The following LMTK2 variants were observed in gnomAD, a reference collection of about 807,000 sequenced individuals.
LMTK2 encodes the protein serine/threonine-protein kinase LMTK2.
A neutral mutation model predicts 127.5 loss-of-function variants in LMTK2; 37 were observed. The ratio of observed to expected loss-of-function variants is 0.29; its 90% confidence interval spans 0.22 to 0.38. LMTK2 has a LOEUF of 0.38. LMTK2 is among the 10% of genes least tolerant of loss of function. The pLI, the probability that LMTK2 is intolerant of heterozygous loss-of-function variation, is 1.00. For synonymous variants in LMTK2, 819 were observed against 810.1 expected (o/e 1.01, Z -0.19); for missense variants, 1,694 against 1,920.3 (o/e 0.88, Z 2.20).
At chr7:98,159,766 T>C (rs1249833178) in intron 6 of LMTK2, among the ~76,000 whole-genome samples, 1 of 152,152 alleles carries the variant, frequency 6.6e-6, no homozygotes, top group African/African-American at 2.4e-5. Flanking sequence ...AGAGCTTGGG[T>C]CTAGATGTGC....
intron 4 of LMTK2, among the ~76,000 whole-genome samples, chr7:98,152,732 T>G (rs1004748030): frequency 1.6e-4 from 24 of 152,162 alleles, no homozygotes; most frequent in African/African-American, 5.8e-4. Context: ...GGAAATACTC[T>G]GGTGCTTGAG....
intron 6 of LMTK2, among the ~76,000 whole-genome samples, chr7:98,166,343 G>T (rs1242711122): frequency 6.6e-6 from 1 of 152,340 alleles, no homozygotes; most frequent in Non-Finnish European, 1.5e-5. Context: ...GTTCTCTGGC[G>T]CCCTCCGATG....
At chr7:98,189,160 C>T (rs1040798511) in intron 9 of LMTK2, among the ~76,000 whole-genome samples, 4 of 152,092 alleles carry the variant, frequency 2.6e-5, no homozygotes, top group African/African-American at 4.8e-5. Flanking sequence ...GGACCCCAGG[C>T]GACCCCAGTG....
chr7:98,196,695 T>G (rs1244068867), intron 11 of LMTK2, among the ~76,000 whole-genome samples: 1 of 152,180 alleles, frequency 6.6e-6, no homozygotes, highest in East Asian at 1.9e-4. Context: ...GTGGAGGATG[T>G]TATGTTTTTC....
rs1172999896 is a variant in LMTK2 at position 98,209,526 on chromosome 7, A to G, written c.*4034A>G. ...TTCAGTTTAAATTGTGTACATTTTTAAATTGTAAGATTTTTACTGTATATT... is the reference window on the plus strand; with the variant it reads ...TTCAGTTTAAATTGTGTACATTTTTGAATTGTAAGATTTTTACTGTATATT... On this transcript the variant is annotated 3_prime_UTR_variant, in exon 14 of 14. Coordinates refer to ENST00000297293, the MANE Select transcript of LMTK2 (RefSeq NM_014916.4). 2 of 152,324 alleles carry G rather than the reference A, an allele frequency of 1.3e-5. No homozygotes were observed. Among genetic ancestry groups the G allele is most frequent in the Non-Finnish European group, 2.9e-5 (2 of 68,038 alleles). 9.4% of individuals were successfully genotyped at this position (152,324 alleles called of 1,614,324 possible).
At chr7:98,129,479 G>A (rs1285518508) in intron 1 of LMTK2, among the ~76,000 whole-genome samples, 1 of 151,966 alleles carries the variant, frequency 6.6e-6, no homozygotes, top group Admixed American at 6.6e-5. Flanking sequence ...CTGTGCTCAG[G>A]TGAGCCTCCC....
At chr7:98,113,677 A>G (rs1027714597) in intron 1 of LMTK2, among the ~76,000 whole-genome samples, 5 of 152,202 alleles carry the variant, frequency 3.3e-5, no homozygotes, top group African/African-American at 9.6e-5. Flanking sequence ...ATGCTGGACA[A>G]CCATCTCTGA....
At chr7:98,156,484 A>G (rs1204774510) in intron 5 of LMTK2, among the ~76,000 whole-genome samples, 1 of 152,096 alleles carries the variant, frequency 6.6e-6, no homozygotes, top group Non-Finnish European at 1.5e-5. Context: ...AAAAGCTGTA[A>G]TGAAAAAATA....
At chr7:98,119,740 G>T (rs550817526) in intron 1 of LMTK2, among the ~76,000 whole-genome samples, 18 of 152,176 alleles carry the variant, frequency 1.2e-4, no homozygotes, top group Non-Finnish European at 2.2e-4. Context: ...TTGAGAGCAG[G>T]TATAAAACCG....
rs1797589969 is a variant in LMTK2 at position 98,194,222 on chromosome 7, G to T, written c.3757G>T (p.Gly1253Cys). The T allele has an allele frequency of 6.2e-7, 1 of 1,613,982 alleles. No homozygotes were observed. The highest frequency in any genetic ancestry group is 1.7e-5 in the Admixed American group (1 of 60,002). Residue 1253 changes from glycine (G) to cysteine (C), a missense_variant, in exon 11 of 14, where the codon GGC (glycine) becomes TGC (cysteine). This residue lies in a region of LMTK2 where 554 missense variants were observed against 567.7 expected (regional missense o/e 0.98). Coordinates refer to ENST00000297293, the MANE Select transcript of LMTK2 (RefSeq NM_014916.4). This position sits in a 1 kb window ranked among gnomAD's most constrained non-coding sequence, Gnocchi z 5.4. ...CAAGTCCCTGTCCAGCCACTCCGAG[G>T]GCCCGAAGTTGAAGGAGCCGGACAT... The part of the protein sequence containing the change: ...LDKSLSSHSE[G>C]PKLKEPDIEG...
At chr7:98,108,358 T>C (rs939987991) in intron 1 of LMTK2, among the ~76,000 whole-genome samples, 9 of 152,188 alleles carry the variant, frequency 5.9e-5, no homozygotes, top group African/African-American at 2.2e-4. Flanking sequence ...ATAATGTTAA[T>C]TGGGTACAGA....
chr7:98,117,650 T>A (rs1043354512), intron 1 of LMTK2, among the ~76,000 whole-genome samples: 1 of 152,110 alleles, frequency 6.6e-6, no homozygotes, highest in Non-Finnish European at 1.5e-5. Flanking sequence ...CTCTGGTTCC[T>A]CTGATTGGAG....
At chr7:98,200,814 ATT>A (rs1451289657) in intron 11 of LMTK2, among the ~76,000 whole-genome samples, 1 of 150,820 alleles carries the variant, frequency 6.6e-6, no homozygotes, top group African/African-American at 2.4e-5. Context: ...TGTATTATTT[ATT>A]TTGTTGTTGT....
chr7:98,181,431 A>G (rs1459594902), intron 7 of LMTK2, among the ~76,000 whole-genome samples: 4 of 152,274 alleles, frequency 2.6e-5, no homozygotes, highest in Non-Finnish European at 2.9e-5. Flanking sequence ...ATAGAAAAGC[A>G]TATCCTAAAA....
chr7:98,203,534 G>A (rs1473845423), intron 11 of LMTK2, 40 bp from the exon 12 acceptor site: 3 of 1,562,586 alleles, frequency 1.9e-6, no homozygotes, highest in African/African-American at 1.4e-5. Flanking sequence ...GTTCCCGTGA[G>A]CAGGCCTTTG....
At chr7:98,189,489 G>A (rs80037276) in intron 9 of LMTK2, among the ~76,000 whole-genome samples, 23 of 152,188 alleles carry the variant, frequency 1.5e-4, no homozygotes, top group Middle Eastern at 3.4e-3. Context: ...TTTTTAAAAC[G>A]TGAGTTTTCT....
chr7:98,126,833 T>A (rs995929991), intron 1 of LMTK2: 4 of 152,194 alleles, frequency 2.6e-5, no homozygotes, highest in African/African-American at 9.7e-5. Context: ...ACCTTGAAAA[T>A]CACTTTTGAA....
chr7:98,110,601 C>T (rs767051304), intron 1 of LMTK2, among the ~76,000 whole-genome samples: 3 of 152,214 alleles, frequency 2.0e-5, no homozygotes, highest in Admixed American at 6.5e-5. Context: ...TCTTAGAAAA[C>T]ATGGATGCGC....
At chr7:98,157,541 T>G (rs943869831) in intron 5 of LMTK2, among the ~76,000 whole-genome samples, 2 of 151,946 alleles carry the variant, frequency 1.3e-5, no homozygotes, top group Non-Finnish European at 2.9e-5. Flanking sequence ...CATAGCAGCT[T>G]TATTTGTAAT....
Sources: allele counts gnomAD v4.1 joint callset (sites outside exome capture counted in the v4.1 genomes callset), GRCh38; gene constraint gnomAD v4.1.1; regional missense constraint gnomAD v4.1.1; non-coding constraint Gnocchi (gnomAD v3.1); transcripts MANE v1.5; gene names NCBI Gene and HGNC (gene_info 2026-07-23, HGNC 2026-07-21).